ERI3: variants seen among roughly 807,000 people sequenced by gnomAD.
ERI3 encodes ERI1 exoribonuclease 3.
Under a neutral mutation model 44.4 loss-of-function variants are expected in ERI3, and 18 were observed. The observed-to-expected ratio is 0.41, with a 90% CI of 0.28 to 0.60. ERI3 has a LOEUF of 0.60. ERI3 is among the 20% of genes least tolerant of loss of function. The pLI is 0.36. For synonymous variants in ERI3, 183 were observed against 164.8 expected (o/e 1.11, Z -0.84); for missense variants, 294 against 435.5 (o/e 0.68, Z 2.89).
chr1:44,265,220 A>C (rs1309247531), intron 7 of ERI3, among the ~76,000 whole-genome samples: 1 of 152,204 alleles, frequency 6.6e-6, no homozygotes, highest in Non-Finnish European at 1.5e-5. Flanking sequence ...CAACTCAAGG[A>C]AGTTTCTCAG....
chr1:44,255,342 C>T (rs915335388), intron 7 of ERI3, among the ~76,000 whole-genome samples: 1 of 152,160 alleles, frequency 6.6e-6, no homozygotes, highest in Non-Finnish European at 1.5e-5. Context: ...TTGCAGCCTG[C>T]TCCATCTCTG....
intron 6 of ERI3, among the ~76,000 whole-genome samples, chr1:44,291,974 T>C (rs1310302793): frequency 1.3e-5 from 2 of 152,156 alleles, no homozygotes; most frequent in African/African-American, 4.8e-5. Context: ...CAAATGACCA[T>C]GTGTCCTGGG....
At chr1:44,240,421 C>T (rs549676434) in intron 8 of ERI3, among the ~76,000 whole-genome samples, 1 of 152,132 alleles carries the variant, frequency 6.6e-6, no homozygotes, top group Non-Finnish European at 1.5e-5. Context: ...TTAAATGGAT[C>T]CAGGCGTGGT....
intron 2 of ERI3, among the ~76,000 whole-genome samples, chr1:44,346,723 T>C (rs912554720): frequency 1.3e-5 from 2 of 152,220 alleles, no homozygotes; most frequent in South Asian, 2.1e-4. Flanking sequence ...CAAGGAGTTA[T>C]ATAATCTAGT....
intron 4 of ERI3, among the ~76,000 whole-genome samples, chr1:44,315,795 C>A (rs1274569157): frequency 6.6e-6 from 1 of 152,226 alleles, no homozygotes; most frequent in Non-Finnish European, 1.5e-5. Flanking sequence ...GTATTAATCC[C>A]TCCAAGGATG....
chr1:44,319,529 G>T, intron 4 of ERI3, 99 bp downstream of exon 4: 1 of 762,746 alleles, frequency 1.3e-6, no homozygotes, highest in Non-Finnish European at 2.2e-6. Context: ...CTTAAGGATT[G>T]ATAAGCCCTA....
chr1:44,352,008 C>T (rs919150593), intron 2 of ERI3, among the ~76,000 whole-genome samples: 3 of 152,154 alleles, frequency 2.0e-5, no homozygotes, highest in Admixed American at 1.3e-4. Context: ...TCATAACTGC[C>T]TTTTTACTAT....
chr1:44,260,145 C>T (rs553238620), intron 7 of ERI3, among the ~76,000 whole-genome samples: 1 of 152,346 alleles, frequency 6.6e-6, no homozygotes, highest in South Asian at 2.1e-4. Flanking sequence ...CAAACAGAAT[C>T]ACATGTAGAC....
chr1:44,310,961 G>GCA (rs1393608614), intron 5 of ERI3, among the ~76,000 whole-genome samples: 4 of 84,698 alleles, frequency 4.7e-5, no homozygotes, highest in African/African-American at 1.4e-4. Context: ...TCGCGCGCGC[G>GCA]CGCACACACA....
chr1:44,235,449 G>A lies in ERI3; in HGVS notation c.931+12490C>T, dbSNP rs1644282432. 6.6e-6 allele frequency among the ~76,000 whole-genome samples: 1 copy of A among 152,082 alleles called. No homozygotes were observed. Among genetic ancestry groups the A allele is most frequent in the African/African-American group, 2.4e-5 (1 of 41,392 alleles). On this transcript the variant is annotated intron_variant, in intron 8 of 8. Coordinates refer to ENST00000372257, the MANE Select transcript of ERI3 (RefSeq NM_024066.3). The surrounding 1 kb of genome is among the most constrained non-coding windows in gnomAD (Gnocchi z 4.6). ...CACAGCAGCCAATTCTCCGCCTATC[G>A]TAACTGCCTCTCCTTCACCTCCTGC...
chr1:44,284,965 T>G (rs1262243256), intron 6 of ERI3, 58 bp from the exon 7 acceptor site: 1 of 1,442,506 alleles, frequency 6.9e-7, no homozygotes, highest in Non-Finnish European at 9.7e-7. Context: ...AGGTATGAAG[T>G]CTTAAGATGG....
At position 44,319,599 on chromosome 1, in the gene ERI3, C is replaced by T. The variant is rs370474029; in HGVS notation, c.606+29G>A. 33 of 1,524,586 alleles carry T rather than the reference C, an allele frequency of 2.2e-5. No homozygotes were observed. The African/African-American group carries it at 3.4e-4, about 16-fold the overall frequency. 94.4% of individuals were successfully genotyped at this position (1,524,586 alleles called of 1,614,324 possible). A position where few individuals can be genotyped will look rare whatever the true frequency, so the allele number is the denominator to read the frequency against. Reference sequence around the variant, plus strand: ...GATTCCAAAATTCCCCTCCCAGCAGCCCCTGCTGCCCACTTCCAGGGCCCT... The same window carrying T: ...GATTCCAAAATTCCCCTCCCAGCAGTCCCTGCTGCCCACTTCCAGGGCCCT... On this transcript the variant is annotated intron_variant, in intron 4 of 8. Coordinates refer to ENST00000372257, the MANE Select transcript of ERI3 (RefSeq NM_024066.3).
Position 44,278,853 on chromosome 1 carries a change from T to C in ERI3, c.831+5982A>G, listed in dbSNP as rs549580717. 3.3e-5 allele frequency among the ~76,000 whole-genome samples: 5 copies of C among 152,348 alleles called. No homozygotes were observed. The South Asian group carries it at 1.0e-3, about 32-fold the overall frequency. Reference sequence around the variant, plus strand: ...CCTGACCTCAGGTGATCTGCCCACCTCGGCCTCCCAAAGTGCTGAGATTAC... The same window carrying C: ...CCTGACCTCAGGTGATCTGCCCACCCCGGCCTCCCAAAGTGCTGAGATTAC... On this transcript the variant is annotated intron_variant, in intron 7 of 8. Transcript: ENST00000372257.
rs746106052 is a variant in ERI3 at position 44,339,196 on chromosome 1, G to A, written c.338C>T (p.Pro113Leu). 23 of 1,613,928 alleles carry A rather than the reference G, an allele frequency of 1.4e-5. No individual in the cohort carries two copies. The highest frequency in any genetic ancestry group is 2.2e-5 in the East Asian group (1 of 44,886). Residue 113 changes from proline (P) to leucine (L), a missense_variant, in exon 3 of 9, where the codon CCG becomes CTG. Pro to Leu is a moderately conservative substitution (Grantham distance 98). Coordinates refer to ENST00000372257, the MANE Select transcript of ERI3 (RefSeq NM_024066.3). ...TCTGGTGGATATGGAGCAGAACTCC[G>A]GAACACCACAGGGAGAAAATAAGTG... ...GSHLFSPCGV[P>L]EFCSISTRKL...
At chr1:44,334,777 T>C (rs1236185421) in intron 3 of ERI3, among the ~76,000 whole-genome samples, 2 of 152,216 alleles carry the variant, frequency 1.3e-5, no homozygotes, top group African/African-American at 4.8e-5. Flanking sequence ...GAAAATATCA[T>C]GTTTTACCAT....
At chr1:44,352,165 T>A (rs1013087258) in intron 2 of ERI3, among the ~76,000 whole-genome samples, 2 of 152,188 alleles carry the variant, frequency 1.3e-5, no homozygotes, top group African/African-American at 2.4e-5. Flanking sequence ...TCATCCAGAG[T>A]ATGCCTCTTT....
In ERI3 at chr1:44,228,782, A is replaced by G. The variant is rs747440275; in HGVS notation, c.932-7142T>C. Among the ~76,000 whole-genome samples the G allele has an allele frequency of 6.6e-6, 1 of 152,216 alleles. No individual in the cohort carries two copies. Among genetic ancestry groups the G allele is most frequent in the African/African-American group, 2.4e-5 (1 of 41,456 alleles). ...TGCCTGACCAGTAAGCATAGCATCAAACCCCTTATGTCGCTTGCAGTGCAT... is the reference window on the plus strand; with the variant it reads ...TGCCTGACCAGTAAGCATAGCATCAGACCCCTTATGTCGCTTGCAGTGCAT... On this transcript the variant is annotated intron_variant, in intron 8 of 8. Coordinates refer to ENST00000372257, the MANE Select transcript of ERI3 (RefSeq NM_024066.3). The surrounding 1 kb of genome is among the most constrained non-coding windows in gnomAD (Gnocchi z 4.3).
intron 1 of ERI3, 186 bp from the exon 2 acceptor site, chr1:44,353,111 CTCTAG>C: frequency 1.0e-6 from 1 of 985,368 alleles, no homozygotes; most frequent in Non-Finnish European, 1.2e-6. Flanking sequence ...TTTTCATGTT[CTCTAG>C]TCATATACTT....
chr1:44,261,082 TC>T (rs1329274317), intron 7 of ERI3, among the ~76,000 whole-genome samples: 4 of 152,206 alleles, frequency 2.6e-5, no homozygotes, highest in Admixed American at 2.6e-4. Flanking sequence ...GAAGTCTAGG[TC>T]CCCACTCCCT....
Sources: allele counts gnomAD v4.1 joint callset (sites outside exome capture counted in the v4.1 genomes callset), GRCh38; gene constraint gnomAD v4.1.1; non-coding constraint Gnocchi (gnomAD v3.1); transcripts MANE v1.5; gene names NCBI Gene and HGNC (gene_info 2026-07-23, HGNC 2026-07-21).